The following SAMD5 variants were observed in gnomAD, a reference collection of about 807,000 sequenced individuals.
SAMD5 encodes the protein sterile alpha motif domain containing 5, also known as sterile alpha motif domain-containing protein 5.
In SAMD5, 13 loss-of-function variants were observed where a neutral mutation model predicts 11.3. The observed-to-expected ratio is 1.15, with a 90% CI of 0.75 to 1.83. SAMD5 has a LOEUF of 1.83. Ranked by LOEUF, SAMD5 falls within the 40% of genes most tolerant of loss-of-function variation. SAMD5 has a pLI of 0.00. For synonymous variants in SAMD5, 129 were observed against 111.3 expected, an observed-to-expected ratio of 1.16 and a Z score of -1.00; for missense variants, 255 against 239.1, an observed-to-expected ratio of 1.07 and a Z score of -0.44.
In SAMD5 at chr6:147,569,357, C is replaced by G. The variant is rs1371224976; in HGVS notation, c.*4901C>G. 1.2e-6 allele frequency: 1 copy of G among 855,984 alleles called. No homozygotes were observed. 53.0% of individuals were successfully genotyped at this position (855,984 alleles called of 1,614,324 possible). Reference sequence around the variant, plus strand: ...TTTTATTACTGCAGTTGAGAGATACCTTTTCAGAGGAAAACAAGAGGCTAA... The same window carrying G: ...TTTTATTACTGCAGTTGAGAGATACGTTTTCAGAGGAAAACAAGAGGCTAA... On this transcript the variant is annotated 3_prime_UTR_variant, in exon 2 of 2. Transcript: ENST00000367474.
the SAMD5 span, among the ~76,000 whole-genome samples, chr6:147,933,520 C>T: frequency 2.0e-5 from 3 of 152,126 alleles, no homozygotes; most frequent in South Asian, 6.2e-4. Flanking sequence ...GAATTCTACT[C>T]TTTCTTTGCT....
chr6:147,897,200 A>C, the SAMD5 span, among the ~76,000 whole-genome samples: 118 of 152,340 alleles, frequency 7.7e-4, no homozygotes, highest in African/African-American at 2.6e-3. Flanking sequence ...AAAAAATCTT[A>C]TAGCCCCAGC....
chr6:147,661,733 G>A (rs371784959), intron 1 of SAMD5, among the ~76,000 whole-genome samples: 1 of 152,126 alleles, frequency 6.6e-6, no homozygotes, highest in Non-Finnish European at 1.5e-5. Flanking sequence ...GGGTTTAAGC[G>A]ATTCTCCTGC....
the SAMD5 span, among the ~76,000 whole-genome samples, chr6:147,810,352 G>C: frequency 6.6e-6 from 1 of 152,118 alleles, no homozygotes; most frequent in African/African-American, 2.4e-5. Context: ...TTCCAGAAAG[G>C]CTGGTGAAAG....
chr6:147,592,741 T>C (rs1390697537), intron 1 of SAMD5, among the ~76,000 whole-genome samples: 1 of 152,018 alleles, frequency 6.6e-6, no homozygotes, highest in Admixed American at 6.6e-5. Flanking sequence ...AATACCCATA[T>C]TGAAAGGATG....
chr6:147,822,544 G>A, the SAMD5 span, among the ~76,000 whole-genome samples: 1 of 152,306 alleles, frequency 6.6e-6, no homozygotes, highest in South Asian at 2.1e-4. Flanking sequence ...CATGACCATT[G>A]CAAGGTGTTC....
chr6:147,580,076 T>A (rs1306213052), intron 1 of SAMD5, among the ~76,000 whole-genome samples: 1 of 152,198 alleles, frequency 6.6e-6, no homozygotes, highest in Non-Finnish European at 1.5e-5. Context: ...AGAGTCTAAC[T>A]CATAACAATG....
At chr6:147,842,869 C>G in the SAMD5 span, among the ~76,000 whole-genome samples, 1 of 152,094 alleles carries the variant, frequency 6.6e-6, no homozygotes, top group Admixed American at 6.5e-5. Context: ...TCAAAAATAT[C>G]ACAAATTTTT....
chr6:147,688,766 C>T (rs1791056977), intron 1 of SAMD5, among the ~76,000 whole-genome samples: 1 of 152,196 alleles, frequency 6.6e-6, no homozygotes, highest in African/African-American at 2.4e-5. Context: ...TTCATTAACT[C>T]CCCAACACTT....
At chr6:147,726,518 GGGCCCAGGCCCA>G (rs144551152) in intron 1 of SAMD5, among the ~76,000 whole-genome samples, 2 of 152,086 alleles carry the variant, frequency 1.3e-5, no homozygotes, top group African/African-American at 2.4e-5. Context: ...GGCCTGCCTG[GGGCCCAGGCCCA>G]GGCCCAGGTC....
chr6:147,707,073 T>C (rs866736682), intron 1 of SAMD5, among the ~76,000 whole-genome samples: 1 of 152,224 alleles, frequency 6.6e-6, no homozygotes. Flanking sequence ...AATGATGTGT[T>C]TTTTGAGGAA....
At position 147,608,396 on chromosome 6, in the gene SAMD5, C is replaced by T. The variant is rs376801420; in HGVS notation, c.162+99009C>T. Among the ~76,000 whole-genome samples the T allele has an allele frequency of 1.1e-4, 17 of 152,278 alleles. No individual in the cohort carries two copies. In the East Asian group the frequency reaches 3.3e-3, roughly 29 times the overall value. On this transcript the variant is annotated intron_variant, in intron 1 of 1. Transcript: ENST00000566741. ...TAAGACTTGGGAGCAACCTAAGTGTCCATCAGCAGATGAACAGATAAGAAA... is the reference window on the plus strand; with the variant it reads ...TAAGACTTGGGAGCAACCTAAGTGTTCATCAGCAGATGAACAGATAAGAAA...
At chr6:147,554,020 G>C (rs1346076668) in intron 1 of SAMD5, among the ~76,000 whole-genome samples, 1 of 152,126 alleles carries the variant, frequency 6.6e-6, no homozygotes. Flanking sequence ...ATTCAAAAGG[G>C]AAAGAGCTTT....
chr6:147,705,560 A>C (rs1791314432), intron 1 of SAMD5, among the ~76,000 whole-genome samples: 1 of 152,232 alleles, frequency 6.6e-6, no homozygotes, highest in Non-Finnish European at 1.5e-5. Context: ...ATTAAGAAAT[A>C]GTAGGAGAAT....
At chr6:147,764,506 T>C in the SAMD5 span, among the ~76,000 whole-genome samples, 13 of 152,212 alleles carry the variant, frequency 8.5e-5, no homozygotes, top group Non-Finnish European at 1.5e-4. Context: ...CATTTAACCC[T>C]CAGTGTAATG....
chr6:147,885,526 G>C, the SAMD5 span, among the ~76,000 whole-genome samples: 1 of 151,804 alleles, frequency 6.6e-6, no homozygotes, highest in African/African-American at 2.4e-5. Flanking sequence ...TAAAATTTTT[G>C]ATAATTAATA....
chr6:147,582,473 T>C (rs1789313823), intron 1 of SAMD5, among the ~76,000 whole-genome samples: 1 of 152,196 alleles, frequency 6.6e-6, no homozygotes, highest in Admixed American at 6.5e-5. Flanking sequence ...ATTCCTCAAG[T>C]GACTTTTATG....
intron 1 of SAMD5, among the ~76,000 whole-genome samples, chr6:147,540,844 G>A (rs142500077): frequency 3.8e-4 from 58 of 151,490 alleles, no homozygotes; most frequent in Non-Finnish European, 6.8e-4. Context: ...CCAGGTTTCC[G>A]GGCTCCCTTT....
At chr6:147,942,173 G>A in the SAMD5 span, among the ~76,000 whole-genome samples, 1 of 152,174 alleles carries the variant, frequency 6.6e-6, no homozygotes, top group African/African-American at 2.4e-5. Context: ...CACTGCGCCT[G>A]GCTGTGTGAA....
Sources: gnomAD v4.1 joint callset for allele counts (sites outside exome capture counted in the v4.1 genomes callset) on GRCh38, gnomAD v4.1.1 for gene constraint, MANE v1.5 for transcripts, NCBI Gene and HGNC (gene_info 2026-07-23, HGNC 2026-07-21) for gene names.